FAM81A: variants seen among roughly 807,000 people sequenced by gnomAD.
FAM81A encodes the protein family with sequence similarity 81 member A.
In FAM81A, 19 loss-of-function variants were observed where a neutral mutation model predicts 46.7. That is an observed-to-expected ratio of 0.41 (90% CI 0.28 to 0.60). The LOEUF (loss-of-function observed/expected upper bound fraction) is 0.60, where lower values mean the gene tolerates loss of function less well. FAM81A is among the 20% of genes least tolerant of loss of function. FAM81A has a pLI of 0.34. For missense variants in FAM81A, 377 were observed against 453.5 expected, an observed-to-expected ratio of 0.83 and a Z score of 1.53; for synonymous variants, 183 against 152.9, an observed-to-expected ratio of 1.20 and a Z score of -1.45.
At chr15:59,430,488 G>A (rs1376477911) in intron 2 of FAM81A, among the ~76,000 whole-genome samples, 23 of 151,818 alleles carry the variant, frequency 1.5e-4, no homozygotes, top group African/African-American at 5.6e-4. Flanking sequence ...CTGGTCTTGA[G>A]CTCCTGACCT....
At chr15:59,454,967 G>C (rs2081464802) in intron 1 of FAM81A, among the ~76,000 whole-genome samples, 1 of 150,820 alleles carries the variant, frequency 6.6e-6, no homozygotes, top group African/African-American at 2.4e-5. Context: ...GTAGAGATGG[G>C]GTTTTGCCAT....
intron 1 of FAM81A, among the ~76,000 whole-genome samples, chr15:59,446,125 G>A (rs1489416236): frequency 2.0e-5 from 3 of 152,246 alleles, no homozygotes; most frequent in African/African-American, 7.2e-5. Flanking sequence ...AAGAGGCGTC[G>A]TGTTAGGCTT....
At chr15:59,432,001 T>C (rs1429338000) in intron 2 of FAM81A, among the ~76,000 whole-genome samples, 1 of 152,226 alleles carries the variant, frequency 6.6e-6, no homozygotes, top group Non-Finnish European at 1.5e-5. Flanking sequence ...TATACCTATT[T>C]ATCTCTTTAA....
chr15:59,446,774 T>G (rs2081358264), intron 1 of FAM81A: 1 of 152,336 alleles, frequency 6.6e-6, no homozygotes, highest in African/African-American at 2.4e-5. Context: ...GATTCCCTGA[T>G]GCACAGGCGA....
Position 59,521,789 on chromosome 15 carries a change from C to T in FAM81A, c.*411C>T, listed in dbSNP as rs1370997509. 6.5e-6 allele frequency: 1 copy of T among 153,452 alleles called. No homozygotes were observed. The highest frequency in any genetic ancestry group is 1.9e-4 in the East Asian group (1 of 5,224). The allele number at this position is 153,452 out of a possible 1,614,324, so 9.5% of individuals were successfully genotyped here. A position where few individuals can be genotyped will look rare whatever the true frequency, so the allele number is the denominator to read the frequency against. ...ATCATCACAGGAATGTGTTGCTCCT[C>T]ACCCTAAATTAAGAGAATGTCCCAG... is the stretch of plus-strand genomic sequence containing the variant. On this transcript the variant is annotated 3_prime_UTR_variant, in exon 9 of 9. Transcript: ENST00000288228.
intron 1 of FAM81A, among the ~76,000 whole-genome samples, chr15:59,440,898 C>A (rs2081290434): frequency 6.6e-6 from 1 of 152,156 alleles, no homozygotes; most frequent in Non-Finnish European, 1.5e-5. Context: ...CGCTTGCCTG[C>A]TTATTCTTCT....
At chr15:59,482,549 G>A (rs993171368) in intron 3 of FAM81A, among the ~76,000 whole-genome samples, 2 of 152,190 alleles carry the variant, frequency 1.3e-5, no homozygotes, top group South Asian at 2.1e-4. Context: ...GATTATGGGC[G>A]TGAGCCACCA....
intron 6 of FAM81A, among the ~76,000 whole-genome samples, chr15:59,513,339 G>T (rs2082233139): frequency 1.3e-5 from 2 of 152,166 alleles, no homozygotes; most frequent in African/African-American, 4.8e-5. Flanking sequence ...AGGAGGAAGA[G>T]CCTGGGGAAG....
In FAM81A at chr15:59,493,230, G is replaced by A. The variant is rs367986665; in HGVS notation, c.413+841G>A. ...TGCAAGGCCTCTGGAGCAGGGAGGA[G>A]TAGTATTAGGGTGTCTTTGTGCAGA... On this transcript the variant is annotated intron_variant, in intron 4 of 8. Transcript: ENST00000288228. Among the ~76,000 whole-genome samples, 25 of 152,218 alleles carry A rather than the reference G, an allele frequency of 1.6e-4. 1 individual carries two copies. The East Asian group carries it at 2.3e-3, about 14-fold the overall frequency.
At chr15:59,455,640 A>G (rs1198839874) in intron 1 of FAM81A, among the ~76,000 whole-genome samples, 5 of 152,214 alleles carry the variant, frequency 3.3e-5, no homozygotes, top group Non-Finnish European at 7.3e-5. Context: ...CCCATTCTGA[A>G]TAATGTGTCT....
intron 2 of FAM81A, among the ~76,000 whole-genome samples, chr15:59,421,869 CTCTATCTATCTATCTATCTATCTATCTA>C (rs59527837): frequency 0.058 from 8,461 of 147,068 alleles, 314 homozygotes; most frequent in Non-Finnish European, 0.09. Flanking sequence ...ACCCTCAACC[CTCTATCTATCTATCTATCTATCTATCTA>C]TCTATCTATC....
At chr15:59,449,176 T>A (rs11071446) in intron 1 of FAM81A, among the ~76,000 whole-genome samples, 5,764 of 152,274 alleles carry the variant, frequency 0.038, 134 homozygotes, top group South Asian at 0.051. Flanking sequence ...CCTAGAATGC[T>A]TAGGGCAAGA....
At chr15:59,436,174 A>G (rs774047098), upstream of FAM81A, among the ~76,000 whole-genome samples, 7 of 152,242 alleles carry the variant, frequency 4.6e-5, no homozygotes, top group Non-Finnish European at 1.0e-4. Flanking sequence ...GTGCCTACAT[A>G]TGGCAAGAGC....
chr15:59,510,259 G>A (rs375000119), intron 6 of FAM81A, among the ~76,000 whole-genome samples: 17 of 151,928 alleles, frequency 1.1e-4, no homozygotes, highest in African/African-American at 2.7e-4. Context: ...CCAGCTACTC[G>A]GGAGGGTGAG....
At chr15:59,444,945 T>C (rs371745543) in intron 1 of FAM81A, among the ~76,000 whole-genome samples, 10 of 152,320 alleles carry the variant, frequency 6.6e-5, no homozygotes, top group African/African-American at 2.4e-4. Context: ...GATAATAAAA[T>C]GGTTTATCGG....
intron 1 of FAM81A, among the ~76,000 whole-genome samples, chr15:59,444,572 T>C (rs1332950447): frequency 6.6e-6 from 1 of 152,174 alleles, no homozygotes; most frequent in Admixed American, 6.5e-5. Flanking sequence ...TCCAGCTCCC[T>C]TCCTCCCTGG....
intron 2 of FAM81A, among the ~76,000 whole-genome samples, chr15:59,425,921 G>T (rs371361410): frequency 6.6e-6 from 1 of 152,150 alleles, no homozygotes; most frequent in Non-Finnish European, 1.5e-5. Flanking sequence ...CACCCAGCTG[G>T]CTATTCTATT....
At chr15:59,442,834 T>TAC (rs1217184624) in intron 1 of FAM81A, among the ~76,000 whole-genome samples, 1 of 152,124 alleles carries the variant, frequency 6.6e-6, no homozygotes, top group Non-Finnish European at 1.5e-5. Context: ...CACATATGTA[T>TAC]ACACACACAC....
intron 3 of FAM81A, among the ~76,000 whole-genome samples, chr15:59,461,993 G>A (rs1412939429): frequency 6.6e-6 from 1 of 152,096 alleles, no homozygotes; most frequent in Non-Finnish European, 1.5e-5. Flanking sequence ...CACAAGGTCA[G>A]GAGATTGAGA....
Sources: gnomAD v4.1 joint callset for allele counts (sites outside exome capture counted in the v4.1 genomes callset) on GRCh38, gnomAD v4.1.1 for gene constraint, MANE v1.5 for transcripts, NCBI Gene and HGNC (gene_info 2026-07-23, HGNC 2026-07-21) for gene names.